The following DPP6 variants were observed in gnomAD, a reference collection of about 807,000 sequenced individuals.
DPP6 encodes the protein dipeptidyl peptidase like 6.
DPP6 carries 69 observed loss-of-function variants against 122.6 expected under a neutral mutation model. The observed-to-expected ratio is 0.56, with a 90% CI of 0.46 to 0.69. The LOEUF (loss-of-function observed/expected upper bound fraction) is 0.69. Ranked by LOEUF, DPP6 falls within the 30% of genes least tolerant of loss-of-function variation. The pLI is 0.00. For synonymous variants in DPP6, 418 were observed against 433.1 expected (o/e 0.97, Z 0.43); for missense variants, 928 against 1,116.9 (o/e 0.83, Z 2.41).
intron 6 of DPP6, among the ~76,000 whole-genome samples, chr7:154,668,156 T>C (rs1838282494): frequency 7.4e-6 from 1 of 135,782 alleles, no homozygotes; most frequent in East Asian, 2.3e-4. Flanking sequence ...AACCATTTCT[T>C]TCTACAGATG....
chr7:154,678,524 A>G (rs1242158686), intron 7 of DPP6, among the ~76,000 whole-genome samples: 2 of 152,062 alleles, frequency 1.3e-5, no homozygotes, highest in Non-Finnish European at 2.9e-5. Context: ...GGAAGGAAGA[A>G]ACTCCAGACA....
At position 154,438,263 on chromosome 7, in the gene DPP6, C is replaced by G. The variant is rs546528914; in HGVS notation, c.244-7951C>G. Among the ~76,000 whole-genome samples, 7 of 151,856 alleles carry G rather than the reference C, an allele frequency of 4.6e-5. No homozygotes were observed. The East Asian group carries it at 5.8e-4, about 13-fold the overall frequency. On this transcript the variant is annotated intron_variant, in intron 1 of 25. Transcript: ENST00000377770. The stretch of plus-strand genomic sequence containing the variant: ...AGGGTGGATCACAAGGTCAGGAGAT[C>G]GAGACCATCCTGGCTGACACGGTGA...
At chr7:154,454,784 G>A (rs1430490832) in intron 2 of DPP6, among the ~76,000 whole-genome samples, 4 of 152,152 alleles carry the variant, frequency 2.6e-5, no homozygotes, top group Admixed American at 6.5e-5. Flanking sequence ...GAAAGAAAGG[G>A]CATTGTGTGC....
At chr7:153,976,029 C>G (rs944959568) in intron 1 of DPP6, among the ~76,000 whole-genome samples, 3 of 152,116 alleles carry the variant, frequency 2.0e-5, no homozygotes, top group African/African-American at 4.8e-5. Flanking sequence ...TACTATCATT[C>G]TTGTTGCTAC....
At chr7:154,214,532 C>A (rs1444149691) in intron 1 of DPP6, among the ~76,000 whole-genome samples, 1 of 152,220 alleles carries the variant, frequency 6.6e-6, no homozygotes, top group Non-Finnish European at 1.5e-5. Context: ...CCTCCAAACG[C>A]CACCTTGCCT....
intron 10 of DPP6, among the ~76,000 whole-genome samples, chr7:154,773,567 A>G (rs993645921): frequency 2.6e-5 from 4 of 152,220 alleles, no homozygotes; most frequent in African/African-American, 2.4e-5. Context: ...GAGTCCAGCT[A>G]TAACATCATC....
At chr7:154,002,654 G>C (rs1399856932) in intron 1 of DPP6, among the ~76,000 whole-genome samples, 1 of 152,116 alleles carries the variant, frequency 6.6e-6, no homozygotes, top group Non-Finnish European at 1.5e-5. Flanking sequence ...ACCATCACTT[G>C]GTGGGACCAT....
At chr7:153,898,108 A>G (rs996419521) in intron 1 of DPP6, among the ~76,000 whole-genome samples, 3 of 152,234 alleles carry the variant, frequency 2.0e-5, no homozygotes, top group African/African-American at 4.8e-5. Flanking sequence ...CTCATGTTCA[A>G]TAGCACAGTA....
In DPP6 at chr7:154,291,968, G is replaced by A. The variant is rs141448903; in HGVS notation, c.244-154246G>A. On this transcript the variant is annotated intron_variant, in intron 1 of 25. Transcript: ENST00000377770. ...CAGCAGGAATCTATACACATCAGGG[G>A]GCCAGTTAATCTGAAGGATGAGGGG... Among the ~76,000 whole-genome samples, 433 of 152,186 alleles carry A rather than the reference G, an allele frequency of 2.8e-3. 1 individual carries two copies. The highest frequency in any genetic ancestry group is 4.9e-3 in the Non-Finnish European group (330 of 68,024).
chr7:154,572,485 A>AT (rs1350105511), intron 5 of DPP6, among the ~76,000 whole-genome samples: 5 of 147,146 alleles, frequency 3.4e-5, no homozygotes, highest in Admixed American at 2.7e-4. Flanking sequence ...AATTCTGAGT[A>AT]TATGAGTTTC....
chr7:154,533,685 G>A (rs773715732), intron 3 of DPP6, among the ~76,000 whole-genome samples: 16 of 152,056 alleles, frequency 1.1e-4, no homozygotes, highest in Admixed American at 2.0e-4. Context: ...AAAATGCCTG[G>A]CAAAATATTA....
intron 5 of DPP6, among the ~76,000 whole-genome samples, chr7:154,619,558 C>T (rs1404437653): frequency 2.6e-5 from 4 of 152,160 alleles, no homozygotes; most frequent in Non-Finnish European, 5.9e-5. Context: ...GTATTTGTGG[C>T]TGATGAGGGA....
chr7:154,067,454 G>T (rs1307763429), intron 1 of DPP6, among the ~76,000 whole-genome samples: 2 of 151,844 alleles, frequency 1.3e-5, no homozygotes, highest in Non-Finnish European at 2.9e-5. Context: ...CAACCCCATG[G>T]TTATCAGAGA....
intron 1 of DPP6, among the ~76,000 whole-genome samples, chr7:154,190,794 A>C (rs1798581563): frequency 6.6e-6 from 1 of 152,164 alleles, no homozygotes; most frequent in Non-Finnish European, 1.5e-5. Flanking sequence ...TTCTTAAAGC[A>C]AAAAGGGCAT....
chr7:153,766,621 A>G, the DPP6 span, among the ~76,000 whole-genome samples: 1 of 152,162 alleles, frequency 6.6e-6, no homozygotes, highest in Non-Finnish European at 1.5e-5. Flanking sequence ...TTTTTAATCT[A>G]GCAAATTTAT....
At chr7:153,967,715 T>C (rs1795827077) in intron 1 of DPP6, among the ~76,000 whole-genome samples, 1 of 152,122 alleles carries the variant, frequency 6.6e-6, no homozygotes, top group South Asian at 2.1e-4. Flanking sequence ...GAATTTGTCC[T>C]GTGTGCATGC....
chr7:154,778,798 C>T (rs1410173557), intron 10 of DPP6, among the ~76,000 whole-genome samples: 1 of 151,086 alleles, frequency 6.6e-6, no homozygotes, highest in East Asian at 2.0e-4. Flanking sequence ...CCTCTGTCAC[C>T]TCCACAACCT....
In DPP6 at chr7:154,760,154, A is replaced by G. The variant is rs991533156; in HGVS notation, c.884-9263A>G. On this transcript the variant is annotated intron_variant, in intron 8 of 25. Transcript: ENST00000377770. This position sits in a 1 kb window ranked among gnomAD's most constrained non-coding sequence, Gnocchi z 4.5. Reference sequence around the variant, plus strand: ...AAAAAAAGTCTATTCCCAAGGAGACAGGCATCCAGCTCAACTCTGCCTCCC... The same window carrying G: ...AAAAAAAGTCTATTCCCAAGGAGACGGGCATCCAGCTCAACTCTGCCTCCC... 1.3e-5 allele frequency among the ~76,000 whole-genome samples: 2 copies of G among 152,198 alleles called. No individual in the cohort carries two copies. The highest frequency in any genetic ancestry group is 6.5e-5 in the Admixed American group (1 of 15,276).
intron 1 of DPP6, among the ~76,000 whole-genome samples, chr7:153,896,492 GAATT>G (rs963719613): frequency 1.3e-5 from 2 of 151,944 alleles, no homozygotes; most frequent in Admixed American, 1.3e-4. Context: ...AGGTAAAAAT[GAATT>G]AACACATGAA....
Sources: gnomAD v4.1 joint callset for allele counts (sites outside exome capture counted in the v4.1 genomes callset) on GRCh38, gnomAD v4.1.1 for gene constraint, Gnocchi (gnomAD v3.1) non-coding constraint, MANE v1.5 for transcripts, NCBI Gene and HGNC (gene_info 2026-07-23, HGNC 2026-07-21) for gene names.